Variants in CEP112 observed in about 807,000 individuals in gnomAD.
CEP112 encodes the protein centrosomal protein of 112 kDa.
Under a neutral mutation model 153.0 loss-of-function variants are expected in CEP112, and 127 were observed. The ratio of observed to expected loss-of-function variants is 0.83; its 90% CI spans 0.72 to 0.96. CEP112 has a LOEUF of 0.96. Among genes scored for constraint, CEP112 ranks in the 40% least tolerant of loss-of-function variants. The pLI is 0.00. For missense variants in CEP112, 1,089 were observed against 1,101.2 expected, an observed-to-expected ratio of 0.99 and a Z score of 0.16; for synonymous variants, 358 against 374.4, an observed-to-expected ratio of 0.96 and a Z score of 0.51.
intron 4 of CEP112, among the ~76,000 whole-genome samples, chr17:66,136,122 A>G (rs1308321866): frequency 6.6e-6 from 1 of 152,160 alleles, no homozygotes; most frequent in Non-Finnish European, 1.5e-5. Context: ...CGCCATAAGC[A>G]AGGTTACTTA....
intron 21 of CEP112, among the ~76,000 whole-genome samples, chr17:65,792,584 T>A (rs80004173): frequency 2.0e-5 from 3 of 149,570 alleles, no homozygotes; most frequent in South Asian, 2.1e-4. Flanking sequence ...AAAAACTCTT[T>A]AAAAAAAAAA....
Position 65,902,299 on chromosome 17 carries a change from C to T in CEP112, c.2016G>A (p.Lys672=). 1 of 1,613,712 alleles carries T rather than the reference C, an allele frequency of 6.2e-7. No homozygotes were observed. The highest frequency in any genetic ancestry group is 8.5e-7 in the Non-Finnish European group (1 of 1,179,920). ...VELKLEHEQE[K]THLLQQHNAE... ...CGTTATGCTGCTGTAATAGGTGCGT[C>T]TTCTCCTGTTCATGCTCCAGCTTCA... is the stretch of plus-strand genomic sequence containing the variant. Residue 672 remains lysine, a synonymous_variant, in exon 20 of 27, where the codon AAG becomes AAA. Coordinates refer to ENST00000535342, the MANE Select transcript of CEP112 (RefSeq NM_001199165.4).
intron 21 of CEP112, among the ~76,000 whole-genome samples, chr17:65,802,135 GTTAGTGGTCAGCT>G (rs1430961697): frequency 6.6e-6 from 1 of 152,150 alleles, no homozygotes; most frequent in Non-Finnish European, 1.5e-5. Flanking sequence ...TGCTTGGCTA[GTTAGTGGTCAGCT>G]AATGATTGGG....
intron 6 of CEP112, among the ~76,000 whole-genome samples, chr17:66,122,754 AATTCAGGCAGGGGTAG>A (rs1244076991): frequency 6.6e-6 from 1 of 152,174 alleles, no homozygotes; most frequent in Non-Finnish European, 1.5e-5. Context: ...GATCCAATTA[AATTCAGGCAGGGGTAG>A]ATGCTGAGGT....
At chr17:66,074,866 AAAAAAAG>A (rs1311403193) in intron 8 of CEP112, among the ~76,000 whole-genome samples, 1 of 149,734 alleles carries the variant, frequency 6.7e-6, no homozygotes, top group Admixed American at 6.6e-5. Context: ...TGTCTAAAAA[AAAAAAAG>A]AAAAAAAAAA....
chr17:65,808,587 C>T (rs1416971668), intron 21 of CEP112, among the ~76,000 whole-genome samples: 1 of 152,032 alleles, frequency 6.6e-6, no homozygotes, highest in Non-Finnish European at 1.5e-5. Flanking sequence ...TTCCCCCTTG[C>T]TGTTCTTGTG....
chr17:66,168,421 G>A (rs537063563), intron 4 of CEP112, among the ~76,000 whole-genome samples: 10 of 141,448 alleles, frequency 7.1e-5, no homozygotes, highest in African/African-American at 2.2e-4. Context: ...GTGTGTGTGT[G>A]TGTATATATA....
At chr17:66,111,792 C>T (rs1183862719) in intron 6 of CEP112, among the ~76,000 whole-genome samples, 2 of 151,918 alleles carry the variant, frequency 1.3e-5, no homozygotes, top group Non-Finnish European at 2.9e-5. Flanking sequence ...CATGTGTTTA[C>T]CTATGTAGCA....
chr17:66,169,067 G>T (rs577947618), intron 4 of CEP112, among the ~76,000 whole-genome samples: 1 of 152,004 alleles, frequency 6.6e-6, no homozygotes, highest in African/African-American at 2.4e-5. Flanking sequence ...TTTAAATAAG[G>T]TGCCTGATGA....
chr17:66,167,618 C>T (rs1198079253), intron 4 of CEP112, among the ~76,000 whole-genome samples: 6 of 152,098 alleles, frequency 3.9e-5, no homozygotes, highest in Non-Finnish European at 4.4e-5. Flanking sequence ...GGATTGCTGA[C>T]GCAGCACAAG....
intron 16 of CEP112, among the ~76,000 whole-genome samples, chr17:66,007,055 A>C (rs866091093): frequency 2.0e-5 from 3 of 152,226 alleles, no homozygotes; most frequent in African/African-American, 7.2e-5. Flanking sequence ...CTCTTCTTTT[A>C]AAAATTCTTT....
At chr17:66,136,369 G>A (rs532509076) in intron 4 of CEP112, among the ~76,000 whole-genome samples, 30 of 152,064 alleles carry the variant, frequency 2.0e-4, no homozygotes, top group East Asian at 1.4e-3. Flanking sequence ...CTAAGGGACC[G>A]GATTCTGCAA....
At chr17:65,965,302 C>T (rs2062368306) in intron 17 of CEP112, among the ~76,000 whole-genome samples, 1 of 152,132 alleles carries the variant, frequency 6.6e-6, no homozygotes, top group Non-Finnish European at 1.5e-5. Flanking sequence ...ATCATTTCTA[C>T]CCTGATTTAC....
At chr17:65,674,159 C>G (rs966087573) in intron 24 of CEP112, among the ~76,000 whole-genome samples, 6 of 152,246 alleles carry the variant, frequency 3.9e-5, no homozygotes, top group African/African-American at 1.4e-4. Flanking sequence ...ATGTGAGCCA[C>G]CATGCCCAAC....
At chr17:65,760,491 T>C (rs1459792904) in intron 21 of CEP112, among the ~76,000 whole-genome samples, 1 of 152,146 alleles carries the variant, frequency 6.6e-6, no homozygotes, top group Non-Finnish European at 1.5e-5. Flanking sequence ...TTTTATCAAA[T>C]GATTTTTCTG....
intron 21 of CEP112, among the ~76,000 whole-genome samples, chr17:65,811,333 G>A (rs935945244): frequency 1.3e-5 from 2 of 152,198 alleles, no homozygotes; most frequent in South Asian, 2.1e-4. Flanking sequence ...TTAATGGAAA[G>A]TGGAAAATGA....
chr17:65,687,044 G>T (rs2047833105), intron 24 of CEP112, among the ~76,000 whole-genome samples: 1 of 151,902 alleles, frequency 6.6e-6, no homozygotes, highest in African/African-American at 2.4e-5. Flanking sequence ...ACAAAATGCA[G>T]ATGATAATAC....
intron 12 of CEP112, among the ~76,000 whole-genome samples, chr17:66,039,854 G>A (rs1598197728): frequency 6.6e-6 from 1 of 152,168 alleles, no homozygotes; most frequent in South Asian, 2.1e-4. Flanking sequence ...TTTGGGGTCA[G>A]GCTTCTTCAT....
chr17:66,155,443 T>G (rs1489563787), intron 4 of CEP112, among the ~76,000 whole-genome samples: 1 of 151,870 alleles, frequency 6.6e-6, no homozygotes, highest in Non-Finnish European at 1.5e-5. Flanking sequence ...GGCCCTGGGT[T>G]TCAAGCACAA....
Sources: gnomAD v4.1 joint callset for allele counts (sites outside exome capture counted in the v4.1 genomes callset) on GRCh38, gnomAD v4.1.1 for gene constraint, MANE v1.5 for transcripts, NCBI Gene and HGNC (gene_info 2026-07-23, HGNC 2026-07-21) for gene names.